Variants in PDZD2 observed in about 807,000 individuals in gnomAD.
PDZD2 encodes PDZ domain containing 2.
In PDZD2, 90 loss-of-function variants were observed where a neutral mutation model predicts 220.7. The observed-to-expected ratio is 0.41, with a 90% CI of 0.34 to 0.49. The LOEUF (loss-of-function observed/expected upper bound fraction) is 0.49, where lower values mean the gene tolerates loss of function less well. Ranked by LOEUF, PDZD2 falls within the 20% of genes least tolerant of loss-of-function variation. The pLI, the probability that PDZD2 is intolerant of heterozygous loss-of-function variation, is 0.28. For missense variants in PDZD2, 3,174 were observed against 3,608.5 expected, an observed-to-expected ratio of 0.88 and a Z score of 3.08; for synonymous variants, 1,375 against 1,450.5, an observed-to-expected ratio of 0.95 and a Z score of 1.18.
rs150340042 is a variant in PDZD2 at position 32,074,412 on chromosome 5, G to A, written c.3306G>A (p.Gly1102=). ...ACACCCAGAGTCCGACGAACACTGG[G>A]AGCCCCAGTTCCCCCCAGCAGAAAA... ...RTDTQSPTNT[G]SPSSPQQKSE... is the part of the protein sequence containing the mutation. Residue 1102 remains glycine (G), a synonymous_variant, in exon 18 of 25, where the codon GGG becomes GGA. Transcript: ENST00000438447. The A allele has an allele frequency of 1.1e-4, 174 of 1,614,062 alleles. No individual in the cohort carries two copies. The highest frequency in any genetic ancestry group is 1.3e-4 in the Admixed American group (8 of 59,982).
At chr5:31,647,976 A>G (rs2150104656) in intron 1 of PDZD2, among the ~76,000 whole-genome samples, 1 of 152,314 alleles carries the variant, frequency 6.6e-6, no homozygotes, top group South Asian at 2.1e-4. Context: ...GTGCTCCGTG[A>G]TTGTTCACGG....
At chr5:31,775,337 A>G (rs1366892657) in intron 1 of PDZD2, among the ~76,000 whole-genome samples, 4 of 130,412 alleles carry the variant, frequency 3.1e-5, no homozygotes, top group East Asian at 2.0e-4. Context: ...GATGTAATTG[A>G]AAAAAAAAAA....
At chr5:31,912,265 G>A (rs1743274801) in intron 2 of PDZD2, among the ~76,000 whole-genome samples, 1 of 152,106 alleles carries the variant, frequency 6.6e-6, no homozygotes, top group Non-Finnish European at 1.5e-5. Flanking sequence ...CTTCTTGCTG[G>A]GTCTTCATAT....
intron 10 of PDZD2, among the ~76,000 whole-genome samples, chr5:32,055,534 C>T (rs2112319645): frequency 2.9e-5 from 2 of 68,540 alleles, no homozygotes; most frequent in South Asian, 1.4e-3. Context: ...GAGCATGAAT[C>T]CCGATTTTTT....
intron 2 of PDZD2, among the ~76,000 whole-genome samples, chr5:31,925,918 A>T (rs1033315324): frequency 1.3e-5 from 2 of 152,186 alleles, no homozygotes; most frequent in Admixed American, 6.5e-5. Flanking sequence ...ATACCATCTC[A>T]CACCAATGGC....
At chr5:31,686,241 T>A (rs1746853988) in intron 1 of PDZD2, among the ~76,000 whole-genome samples, 1 of 152,048 alleles carries the variant, frequency 6.6e-6, no homozygotes, top group South Asian at 2.1e-4. Flanking sequence ...AAAATAGCCA[T>A]AATACCATTA....
intron 2 of PDZD2, among the ~76,000 whole-genome samples, chr5:31,909,422 G>A (rs1302049742): frequency 6.6e-6 from 1 of 152,048 alleles, no homozygotes; most frequent in African/African-American, 2.4e-5. Context: ...GATCATAAGG[G>A]CATTAATTTG....
intron 2 of PDZD2, among the ~76,000 whole-genome samples, chr5:31,968,380 A>G (rs373178328): frequency 7.9e-5 from 12 of 152,126 alleles, no homozygotes; most frequent in African/African-American, 2.9e-4. Context: ...CAAGCTGGGC[A>G]CGGTGGCTCA....
At chr5:31,988,061 C>T (rs533092238) in intron 3 of PDZD2, among the ~76,000 whole-genome samples, 59 of 152,340 alleles carry the variant, frequency 3.9e-4, no homozygotes, top group African/African-American at 1.3e-3. Flanking sequence ...CCCGGGACAT[C>T]GCCCCACTCC....
At chr5:31,974,566 T>C (rs1382108564) in intron 2 of PDZD2, among the ~76,000 whole-genome samples, 1 of 152,164 alleles carries the variant, frequency 6.6e-6, no homozygotes, top group Non-Finnish European at 1.5e-5. Flanking sequence ...ACCAAGCTAA[T>C]GCACCAGAGT....
At chr5:32,077,351 G>GATTGT in intron 18 of PDZD2, 111 bp from the exon 19 acceptor site, 1 of 1,043,902 alleles carries the variant, frequency 9.6e-7, no homozygotes, top group South Asian at 1.4e-5. Context: ...TCCTAGTCCA[G>GATTGT]GGCCCCTTTG....
chr5:32,090,291 G>A lies in PDZD2; in HGVS notation c.6843G>A (p.Lys2281=), dbSNP rs1443089094. The part of the protein sequence containing the change: ...LANGQGIYSV[K]PLLDTSRNLP... Reference sequence around the variant, plus strand: ...ATGGACAGGGCATATATAGTGTAAAGCCGCTGCTGGACACATCGAGGAATC... The same window carrying A: ...ATGGACAGGGCATATATAGTGTAAAACCGCTGCTGGACACATCGAGGAATC... Residue 2281 remains lysine (K), a synonymous_variant, in exon 20 of 25, where the codon AAG becomes AAA. Coordinates refer to ENST00000438447, the MANE Select transcript of PDZD2 (RefSeq NM_178140.4). This position sits in a 1 kb window ranked among gnomAD's most constrained non-coding sequence, Gnocchi z 4.3. 1 of 1,614,226 alleles carries A rather than the reference G, an allele frequency of 6.2e-7. No homozygotes were observed. The highest frequency in any genetic ancestry group is 1.1e-5 in the South Asian group (1 of 91,080).
intron 2 of PDZD2, among the ~76,000 whole-genome samples, chr5:31,972,743 A>T (rs1749419955): frequency 6.6e-6 from 1 of 152,210 alleles, no homozygotes; most frequent in Non-Finnish European, 1.5e-5. Context: ...CAGTTCCCTG[A>T]TGAGGTGAGA....
At chr5:32,003,368 A>T (rs1752511672) in intron 5 of PDZD2, among the ~76,000 whole-genome samples, 1 of 58,058 alleles carries the variant, frequency 1.7e-5, no homozygotes. Context: ...CACACCACAC[A>T]CACACCACAC....
At position 31,797,001 on chromosome 5, in the gene PDZD2, C is replaced by T. The variant is rs181746045; in HGVS notation, c.-360-1888C>T. Among the ~76,000 whole-genome samples the T allele has an allele frequency of 1.1e-3, 169 of 150,358 alleles. 1 individual carries two copies. The highest frequency in any genetic ancestry group is 4.1e-3 in the African/African-American group (166 of 40,874). On this transcript the variant is annotated intron_variant, in intron 1 of 24. Transcript: ENST00000438447. Reference sequence around the variant, plus strand: ...GGAGTGCAGTGGCGAGATCTCGGCTCACTGCAAGCTCCGCTTCCCGGGTTC... The same window carrying T: ...GGAGTGCAGTGGCGAGATCTCGGCTTACTGCAAGCTCCGCTTCCCGGGTTC...
At chr5:31,898,967 A>G (rs553609996) in intron 2 of PDZD2, among the ~76,000 whole-genome samples, 127 of 151,550 alleles carry the variant, frequency 8.4e-4, no homozygotes, top group African/African-American at 3.0e-3. Context: ...AGCTGGGACT[A>G]TAGGCGCCCG....
At position 31,826,919 on chromosome 5, in the gene PDZD2, G is replaced by T. The variant is rs190137068; in HGVS notation, c.476+27195G>T. Among the ~76,000 whole-genome samples the T allele has an allele frequency of 1.6e-3, 239 of 152,230 alleles. 1 individual carries two copies. The highest frequency in any genetic ancestry group is 0.013 in the East Asian group (65 of 5,178). ...AGACAGAGCCTGGAATCGAGCCGGG[G>T]TGACCTGCCTCCAAGACCTGAGTCT... is the stretch of plus-strand genomic sequence containing the variant. On this transcript the variant is annotated intron_variant, in intron 2 of 24. Transcript: ENST00000438447.
At chr5:31,859,482 C>T (rs1580916151) in intron 2 of PDZD2, among the ~76,000 whole-genome samples, 1 of 152,288 alleles carries the variant, frequency 6.6e-6, no homozygotes, top group East Asian at 1.9e-4. Context: ...TTGTAATTCC[C>T]AAGAAAGCCT....
chr5:31,855,072 G>A (rs374895612), intron 2 of PDZD2: 26 of 985,314 alleles, frequency 2.6e-5, no homozygotes, highest in Middle Eastern at 1.0e-3. Flanking sequence ...CGCGGAGACC[G>A]GCCTGGCGAG....
Sources: gnomAD v4.1 joint callset for allele counts (sites outside exome capture counted in the v4.1 genomes callset) on GRCh38, gnomAD v4.1.1 for gene constraint, Gnocchi (gnomAD v3.1) non-coding constraint, MANE v1.5 for transcripts, NCBI Gene and HGNC (gene_info 2026-07-23, HGNC 2026-07-21) for gene names.